SCAF4: variants seen among roughly 807,000 people sequenced by gnomAD.
SCAF4 encodes the protein SR-related CTD associated factor 4, also known as SR-related and CTD-associated factor 4.
In SCAF4, 25 loss-of-function variants were observed where a neutral mutation model predicts 129.8. The observed-to-expected ratio is 0.19, with a 90% confidence interval of 0.14 to 0.27. SCAF4 has a LOEUF of 0.27. SCAF4 is among the 10% of genes least tolerant of loss of function. SCAF4 has a pLI of 1.00. For missense variants in SCAF4, 1,246 were observed against 1,457.1 expected, an observed-to-expected ratio of 0.86 and a Z score of 2.36; for synonymous variants, 551 against 497.7, an observed-to-expected ratio of 1.11 and a Z score of -1.43.
intron 4 of SCAF4, 30 bp downstream of exon 4, chr21:31,703,735 T>C (rs748010592): frequency 1.1e-5 from 13 of 1,182,358 alleles, no homozygotes; most frequent in Non-Finnish European, 1.6e-5. Context: ...TTTTAAAGAA[T>C]ACAAGTTTTA....
intron 19 of SCAF4, 73 bp from the exon 20 acceptor site, chr21:31,672,427 G>A (rs949983256): frequency 1.1e-5 from 13 of 1,168,084 alleles, no homozygotes; most frequent in African/African-American, 1.5e-5. Context: ...GTTCTGTGGC[G>A]CTTAAAGCAA....
chr21:31,671,467 G>T lies in SCAF4; in HGVS notation c.3376C>A (p.Pro1126Thr). ...AAVLKPSEEL[P>T]AEATSSVEPE... is the part of the protein sequence containing the mutation. ...TCAACGGATGAGGTAGCCTCAGCAGGTAACTCTTCAGAAGGCTTTAGGACT... is the reference window on the plus strand; with the variant it reads ...TCAACGGATGAGGTAGCCTCAGCAGTTAACTCTTCAGAAGGCTTTAGGACT... The change falls in exon 20 of 20, where the codon CCT becomes ACT. Residue 1126 changes from proline to threonine, a missense_variant. Physicochemically the swap from Pro to Thr is conservative, Grantham distance 38 (BLOSUM62 -1). Transcript: ENST00000286835. 9 of 1,614,140 alleles carry T rather than the reference G, an allele frequency of 5.6e-6. No homozygotes were observed. Among genetic ancestry groups the T allele is most frequent in the South Asian group, 1.1e-5 (1 of 91,084 alleles).
intron 1 of SCAF4, among the ~76,000 whole-genome samples, chr21:31,719,246 C>T (rs930867884): frequency 1.3e-5 from 2 of 151,926 alleles, no homozygotes; most frequent in Admixed American, 6.6e-5. Context: ...GCCAAGATCA[C>T]GCCATCGCAC....
intron 15 of SCAF4, among the ~76,000 whole-genome samples, chr21:31,689,744 C>T (rs1262797291): frequency 6.6e-6 from 1 of 151,078 alleles, no homozygotes; most frequent in African/African-American, 2.4e-5. Flanking sequence ...GCCAGCCTAA[C>T]ATGGTGAAAC....
chr21:31,731,582 C>T, intron 1 of SCAF4, 81 bp downstream of exon 1: 1 of 1,516,404 alleles, frequency 6.6e-7, no homozygotes, highest in Non-Finnish European at 9.0e-7. Flanking sequence ...CGGACCAAAG[C>T]TTTAAACCTC....
intron 12 of SCAF4, 143 bp downstream of exon 12, chr21:31,693,151 C>T (rs1351607774): frequency 3.2e-6 from 2 of 619,094 alleles, no homozygotes; most frequent in South Asian, 5.0e-5. Flanking sequence ...AATGAATAAA[C>T]AAGGCACAAG....
At chr21:31,688,254 A>T in intron 16 of SCAF4, 53 bp downstream of exon 16, 1 of 1,573,354 alleles carries the variant, frequency 6.4e-7, no homozygotes. Context: ...AGTAAGATTT[A>T]GAAAGGGACC....
At chr21:31,715,368 T>C (rs150039707) in intron 1 of SCAF4, among the ~76,000 whole-genome samples, 46 of 152,306 alleles carry the variant, frequency 3.0e-4, no homozygotes, top group African/African-American at 1.1e-3. Context: ...CGTCTCAACA[T>C]TCTTAACCTT....
chr21:31,688,641 A>G (rs1294656693), intron 15 of SCAF4, among the ~76,000 whole-genome samples, 177 bp from the exon 16 acceptor site: 3 of 152,246 alleles, frequency 2.0e-5, no homozygotes, highest in African/African-American at 4.8e-5. Context: ...AAAAGAATGC[A>G]TACTGTGTGC....
intron 7 of SCAF4, among the ~76,000 whole-genome samples, chr21:31,698,433 AG>A (rs1174307712): frequency 6.6e-6 from 1 of 152,220 alleles, no homozygotes; most frequent in Non-Finnish European, 1.5e-5. Context: ...ATAAATTCAA[AG>A]GAATTCTATA....
chr21:31,723,665 T>C (rs911179292), intron 1 of SCAF4, among the ~76,000 whole-genome samples: 2 of 151,258 alleles, frequency 1.3e-5, no homozygotes, highest in African/African-American at 2.5e-5. Context: ...GTTCAAGTTT[T>C]CTTTCTGGCC....
At chr21:31,717,886 C>A (rs1312812680) in intron 1 of SCAF4, among the ~76,000 whole-genome samples, 1 of 108,338 alleles carries the variant, frequency 9.2e-6, no homozygotes, top group African/African-American at 4.1e-5. Context: ...CACATATATA[C>A]ACATATATAC....
At chr21:31,703,349 G>C (rs1202042574) in intron 4 of SCAF4, among the ~76,000 whole-genome samples, 1 of 152,058 alleles carries the variant, frequency 6.6e-6, no homozygotes, top group Non-Finnish European at 1.5e-5. Context: ...CTTAACATGA[G>C]ATCTACTCAC....
chr21:31,675,888 G>C (rs1250154399), intron 19 of SCAF4, among the ~76,000 whole-genome samples: 1 of 152,158 alleles, frequency 6.6e-6, no homozygotes, highest in Non-Finnish European at 1.5e-5. Context: ...GGCTACGGGG[G>C]AGGTGGGAGA....
intron 1 of SCAF4, among the ~76,000 whole-genome samples, chr21:31,721,316 C>T (rs536360442): frequency 9.1e-5 from 13 of 143,470 alleles, no homozygotes; most frequent in Admixed American, 8.9e-4. Context: ...AGTGATTTAA[C>T]ATTCAGCATC....
chr21:31,721,378 T>A (rs980332430), intron 1 of SCAF4, among the ~76,000 whole-genome samples: 10 of 152,210 alleles, frequency 6.6e-5, no homozygotes, highest in Non-Finnish European at 1.3e-4. Flanking sequence ...TTAAAGACTA[T>A]TATATATTTC....
Position 31,691,799 on chromosome 21 carries a change from T to C in SCAF4, c.1728+18A>G. On this transcript the variant is annotated intron_variant, in intron 14 of 19. Coordinates refer to ENST00000286835, the MANE Select transcript of SCAF4 (RefSeq NM_020706.2). ...GCCTATTTAAAAAAAAAATTAATTA[T>C]AACATGTAAGACTGTACCTTTATGG... 2.2e-6 allele frequency: 3 copies of C among 1,334,882 alleles called. No homozygotes were observed. The highest frequency in any genetic ancestry group is 3.0e-6 in the Non-Finnish European group (3 of 983,724). 82.7% of individuals were successfully genotyped at this position (1,334,882 alleles called of 1,614,324 possible). A position where few individuals can be genotyped will look rare whatever the true frequency, so the allele number is the denominator to read the frequency against.
chr21:31,705,285 ACTT>A (rs2050629534), intron 3 of SCAF4, 135 bp downstream of exon 3: 2 of 469,060 alleles, frequency 4.3e-6, no homozygotes, highest in Non-Finnish European at 7.8e-6. Flanking sequence ...GTTTTTATAA[ACTT>A]CTAGTGATTA....
At chr21:31,688,761 G>A (rs1222980922) in intron 15 of SCAF4, among the ~76,000 whole-genome samples, 2 of 152,278 alleles carry the variant, frequency 1.3e-5, no homozygotes, top group East Asian at 3.9e-4. Context: ...AGCAAAGACA[G>A]CTTGCCCAAG....
Sources: allele counts gnomAD v4.1 joint callset (sites outside exome capture counted in the v4.1 genomes callset), GRCh38; gene constraint gnomAD v4.1.1; transcripts MANE v1.5; gene names NCBI Gene and HGNC (gene_info 2026-07-23, HGNC 2026-07-21).